Variants in NCKAP1L observed in about 807,000 individuals in gnomAD.
The protein encoded by NCKAP1L is nck-associated protein 1-like.
NCKAP1L carries 53 observed loss-of-function variants against 139.2 expected under a neutral mutation model. The ratio of observed to expected loss-of-function variants is 0.38; its 90% CI spans 0.31 to 0.48. The LOEUF is 0.48. Ranked by LOEUF, NCKAP1L falls within the 20% of genes least tolerant of loss-of-function variation. NCKAP1L has a pLI of 0.98. For synonymous variants in NCKAP1L, 468 were observed against 499.7 expected (o/e 0.94, Z 0.85); for missense variants, 1,151 against 1,381.9 (o/e 0.83, Z 2.65).
chr12:54,511,748 C>A, intron 7 of NCKAP1L, 55 bp from the exon 8 acceptor site: 1 of 1,591,352 alleles, frequency 6.3e-7, no homozygotes, highest in East Asian at 2.2e-5. Context: ...TGTCCTTTCT[C>A]CTTTAGAGGA....
intron 21 of NCKAP1L, among the ~76,000 whole-genome samples, chr12:54,527,879 T>C (rs1957039122): frequency 6.6e-6 from 1 of 151,944 alleles, no homozygotes; most frequent in Non-Finnish European, 1.5e-5. Flanking sequence ...TTCAAAGGAG[T>C]CTAATTAAGT....
chr12:54,528,185 G>A (rs986063382), intron 21 of NCKAP1L, 62 bp from the exon 22 acceptor site: 1 of 1,579,306 alleles, frequency 6.3e-7, no homozygotes. Flanking sequence ...GGTAGTAGTA[G>A]GGAATGCTGG....
In NCKAP1L at chr12:54,543,612, C is replaced by T. The variant is rs1219800679; in HGVS notation, c.*927C>T. The T allele has an allele frequency of 6.6e-6, 1 of 152,192 alleles. No individual in the cohort carries two copies. The highest frequency in any genetic ancestry group is 1.5e-5 in the Non-Finnish European group (1 of 68,032). The allele number at this position is 152,192 out of a possible 1,614,324, so 9.4% of individuals were successfully genotyped here. ...CCAGGAAGGGATTTCTCTTCTGGAT[C>T]TTAAATTTCACAGACCTCATTAGGT... On this transcript the variant is annotated 3_prime_UTR_variant, in exon 31 of 31. Coordinates refer to ENST00000293373, the MANE Select transcript of NCKAP1L (RefSeq NM_005337.5).
At chr12:54,503,051 C>G (rs1002283235) in intron 3 of NCKAP1L, among the ~76,000 whole-genome samples, 1 of 151,212 alleles carries the variant, frequency 6.6e-6, no homozygotes, top group Non-Finnish European at 1.5e-5. Flanking sequence ...TAATATACAG[C>G]CCATATTCAC....
intron 4 of NCKAP1L, 39 bp from the exon 5 acceptor site, chr12:54,508,350 G>T (rs769951018): frequency 6.2e-7 from 1 of 1,610,326 alleles, no homozygotes; most frequent in Non-Finnish European, 8.5e-7. Context: ...AGGTTAATTG[G>T]CCATGCTGTC....
At chr12:54,523,674 G>T in intron 19 of NCKAP1L, 135 bp downstream of exon 19, 1 of 1,433,030 alleles carries the variant, frequency 7.0e-7, no homozygotes, top group Non-Finnish European at 9.4e-7. Context: ...GCACTTAAAT[G>T]CGAATTTCCT....
In NCKAP1L at chr12:54,536,981, C is replaced by T; in HGVS notation, c.3111C>T (p.Ile1037=). ...NNNIHCLTKA[I]IQVSAALFTL... ...ATATTCATTGCTTGACCAAAGCCAT[C>T]ATCCAGGTGTCTGCTGCCCTCTTCA... Residue 1037 remains isoleucine, a synonymous_variant, in exon 29 of 31, where the codon ATC becomes ATT. Coordinates refer to ENST00000293373, the MANE Select transcript of NCKAP1L (RefSeq NM_005337.5). 1 of 1,613,592 alleles carries T rather than the reference C, an allele frequency of 6.2e-7. No individual in the cohort carries two copies. The highest frequency in any genetic ancestry group is 8.5e-7 in the Non-Finnish European group (1 of 1,179,644).
At chr12:54,529,904 T>C (rs563032687) in intron 22 of NCKAP1L, among the ~76,000 whole-genome samples, 1 of 152,318 alleles carries the variant, frequency 6.6e-6, no homozygotes, top group East Asian at 1.9e-4. Flanking sequence ...GGTAGATCAG[T>C]GTGTCTCCTT....
intron 7 of NCKAP1L, 109 bp from the exon 8 acceptor site, chr12:54,511,694 A>C: frequency 1.6e-6 from 2 of 1,224,426 alleles, no homozygotes; most frequent in South Asian, 1.4e-5. Flanking sequence ...GGCGTTAGCC[A>C]CCACCCCTTG....
chr12:54,537,751 C>A (rs981812934), intron 29 of NCKAP1L, among the ~76,000 whole-genome samples: 1 of 152,166 alleles, frequency 6.6e-6, no homozygotes, highest in African/African-American at 2.4e-5. Context: ...CCCAGGTAAT[C>A]TTGATGCTGC....
intron 1 of NCKAP1L, chr12:54,498,835 G>C (rs2120862211): frequency 1.0e-6 from 1 of 985,022 alleles, no homozygotes; most frequent in Non-Finnish European, 1.2e-6. Flanking sequence ...AAAATGCCTA[G>C]GTTGTTATTT....
intron 11 of NCKAP1L, 24 bp downstream of exon 11, chr12:54,517,016 G>A: frequency 6.3e-7 from 1 of 1,587,870 alleles, no homozygotes; most frequent in Non-Finnish European, 8.6e-7. Context: ...ATGTTGGGAG[G>A]GGAATGATGG....
intron 25 of NCKAP1L, 71 bp from the exon 26 acceptor site, chr12:54,532,099 T>A (rs1957077185): frequency 8.3e-7 from 1 of 1,211,192 alleles, no homozygotes; most frequent in Non-Finnish European, 1.2e-6. Flanking sequence ...TTTTTTTTTT[T>A]TTTATTTCTA....
intron 20 of NCKAP1L, among the ~76,000 whole-genome samples, chr12:54,525,645 TA>T (rs780421881): frequency 2.0e-5 from 3 of 152,208 alleles, no homozygotes; most frequent in Non-Finnish European, 2.9e-5. Flanking sequence ...GTCTTGCCCT[TA>T]GTCTGTCCCT....
In NCKAP1L at chr12:54,544,109, A is replaced by T. The variant is rs1263031228; in HGVS notation, c.*1424A>T. The T allele has an allele frequency of 6.6e-6, 1 of 152,198 alleles. No homozygotes were observed. The highest frequency in any genetic ancestry group is 2.4e-5 in the African/African-American group (1 of 41,450). The allele number at this position is 152,198 out of a possible 1,614,324, so 9.4% of individuals were successfully genotyped here. The stretch of plus-strand genomic sequence containing the variant: ...CAACATACAGATTTTTCTTAGCAAC[A>T]GTTGTCTGCTCTTTAGGGTGGAAGC... On this transcript the variant is annotated 3_prime_UTR_variant, in exon 31 of 31. Transcript: ENST00000293373.
intron 25 of NCKAP1L, 117 bp from the exon 26 acceptor site, chr12:54,532,053 C>A: frequency 1.2e-6 from 1 of 850,084 alleles, no homozygotes; most frequent in Non-Finnish European, 1.8e-6. Flanking sequence ...GCTTGGAAAG[C>A]TGGCTAGGTT....
Position 54,526,614 on chromosome 12 carries a change from T to C in NCKAP1L, c.2243T>C (p.Ile748Thr). Residue 748 changes from isoleucine (I) to threonine (T), a missense_variant, in exon 21 of 31, where the codon ATT becomes ACT. Physicochemically the swap from Ile to Thr is moderately conservative, Grantham distance 89. Transcript: ENST00000293373. ...SELLAGVKAY[I>T]GFIQSLAQFL... ...CTGTTGGCAGGAGTCAAAGCATACA[T>C]TGGTTTCATACAGTCACTGGCCCAG... is the stretch of plus-strand genomic sequence containing the variant. 2 of 1,614,094 alleles carry C rather than the reference T, an allele frequency of 1.2e-6. No individual in the cohort carries two copies. Among genetic ancestry groups the C allele is most frequent in the East Asian group, 2.2e-5 (1 of 44,880 alleles).
chr12:54,531,441 C>T (rs1314879900), intron 23 of NCKAP1L, 50 bp from the exon 24 acceptor site: 1 of 1,608,156 alleles, frequency 6.2e-7, no homozygotes, highest in South Asian at 1.1e-5. Context: ...GAAGATGTAA[C>T]ATTGGTCTCT....
At chr12:54,517,393 T>C in intron 11 of NCKAP1L, 140 bp from the exon 12 acceptor site, 1 of 646,202 alleles carries the variant, frequency 1.5e-6, no homozygotes, top group Admixed American at 2.6e-5. Context: ...TGAGGTTTTT[T>C]GGTGAGTCTG....
Sources: allele counts gnomAD v4.1 joint callset (sites outside exome capture counted in the v4.1 genomes callset), GRCh38; gene constraint gnomAD v4.1.1; transcripts MANE v1.5; gene names NCBI Gene and HGNC (gene_info 2026-07-23, HGNC 2026-07-21).